The following KLHDC4 variants were observed in gnomAD, a reference collection of about 807,000 sequenced individuals.
KLHDC4 encodes the protein kelch domain containing 4.
In KLHDC4, 90 loss-of-function variants were observed where a neutral mutation model predicts 62.4. The ratio of observed to expected loss-of-function variants is 1.44; its 90% CI spans 1.22 to 1.72. The LOEUF (loss-of-function observed/expected upper bound fraction) is 1.72. Among genes scored for constraint, KLHDC4 ranks in the 40% most tolerant of loss-of-function variants. KLHDC4 has a pLI of 0.00. For missense variants in KLHDC4, 1,025 were observed against 699.7 expected, an observed-to-expected ratio of 1.47 and a Z score of -5.25; for synonymous variants, 386 against 284.4, an observed-to-expected ratio of 1.36 and a Z score of -3.59.
chr16:87,719,449 T>TA (rs982085235), intron 7 of KLHDC4, among the ~76,000 whole-genome samples: 53 of 152,290 alleles, frequency 3.5e-4, no homozygotes, highest in African/African-American at 1.2e-3. Context: ...TGTACTTTGT[T>TA]AAACAGATGC....
intron 1 of KLHDC4, chr16:87,765,342 T>C (rs770259935): frequency 2.2e-6 from 1 of 457,900 alleles, no homozygotes; most frequent in Non-Finnish European, 4.4e-6. Flanking sequence ...ATTTGCCCTC[T>C]TTTGAAAGAA....
intron 7 of KLHDC4, among the ~76,000 whole-genome samples, chr16:87,717,013 C>T (rs2037141560): frequency 6.6e-6 from 1 of 152,138 alleles, no homozygotes; most frequent in Non-Finnish European, 1.5e-5. Flanking sequence ...GGGCAGACTG[C>T]TTGAGTTCAG....
intron 3 of KLHDC4, chr16:87,756,137 T>C: frequency 3.2e-6 from 1 of 313,366 alleles, no homozygotes; most frequent in Non-Finnish European, 6.1e-6. Flanking sequence ...CAAAGAGGGG[T>C]GCGCCCGCCA....
At position 87,726,825 on chromosome 16, in the gene KLHDC4, G is replaced by C; in HGVS notation, c.699C>G (p.Gly233=). The change falls in exon 7 of 12, where the codon GGC becomes GGG. Residue 233 remains glycine, a synonymous_variant. Transcript: ENST00000270583. ...CCTGGGGAGTGACGGACATCTGGCA[G>C]CCTGATCTGGGTGTGGGCCCCGTCC... ...PSGTGPTPRS[G]CQMSVTPQGG... The C allele has an allele frequency of 6.2e-7, 1 of 1,611,934 alleles. No individual in the cohort carries two copies. The highest frequency in any genetic ancestry group is 8.5e-7 in the Non-Finnish European group (1 of 1,179,236).
chr16:87,698,939 T>G (rs1453004665), exon 1 of KLHDC4: 2 of 152,226 alleles, frequency 1.3e-5, no homozygotes, highest in African/African-American at 2.4e-5. Flanking sequence ...TCCGCCCCAA[T>G]AGCTTCTTCA....
Position 87,711,346 on chromosome 16 carries a change from G to A in KLHDC4, c.933C>T (p.Phe311=), listed in dbSNP as rs774103680. The change falls in exon 9 of 12, where the codon TTC becomes TTT. Residue 311 remains phenylalanine, a synonymous_variant. Coordinates refer to ENST00000270583, the MANE Select transcript of KLHDC4 (RefSeq NM_017566.4). The part of the protein sequence containing the change: ...VAMAPNHQTL[F]FGGVCDEEEE... ...CTTCCTCGTCACAGACACCCCCGAA[G>A]AACAGTGTCTGGTGATTCGGGGCCA... 8.1e-6 allele frequency: 13 copies of A among 1,613,898 alleles called. No homozygotes were observed. In the African/African-American group the frequency reaches 1.1e-4, roughly 13 times the overall value.
intron 10 of KLHDC4, 122 bp from the exon 11 acceptor site, chr16:87,708,588 C>G: frequency 1.8e-6 from 1 of 552,938 alleles, no homozygotes; most frequent in Non-Finnish European, 2.9e-6. Flanking sequence ...TAATGTGAAA[C>G]CTAACTCCTC....
chr16:87,714,335 G>GGGGGGCCCC lies in KLHDC4; in HGVS notation c.835+162_835+163insGGGGCCCCC. 2 of 150,338 alleles carry GGGGGGCCCC rather than the reference G, an allele frequency of 1.3e-5. 1 individual carries two copies. Among genetic ancestry groups the GGGGGGCCCC allele is most frequent in the South Asian group, 4.2e-4 (2 of 4,782 alleles). The allele number at this position is 150,338 out of a possible 1,614,324, so 9.3% of individuals were successfully genotyped here. On this transcript the variant is annotated intron_variant, in intron 8 of 11. Transcript: ENST00000270583. ...AGCAGACACCAGGGCTATGGAGCCT[G>GGGGGGCCCC]TCCCACCCGGCCCACCCCGAAATGA...
chr16:87,730,535 C>G lies in KLHDC4; in HGVS notation c.599+17G>C, dbSNP rs1567727636. On this transcript the variant is annotated intron_variant, in intron 6 of 11. Coordinates refer to ENST00000270583, the MANE Select transcript of KLHDC4 (RefSeq NM_017566.4). ...AATGCTTCAGGAGAGAAAGATTTTT[C>G]CGTTCTTGGTACCAACCGTGTACTT... 6.3e-7 allele frequency: 1 copy of G among 1,590,984 alleles called. No individual in the cohort carries two copies. Among genetic ancestry groups the G allele is most frequent in the Non-Finnish European group, 8.5e-7 (1 of 1,169,986 alleles).
At chr16:87,714,413 C>A in intron 8 of KLHDC4, 85 bp downstream of exon 8, 1 of 1,582,806 alleles carries the variant, frequency 6.3e-7, no homozygotes, top group Non-Finnish European at 8.6e-7. Flanking sequence ...TCACCGCCAG[C>A]CCCACATCCA....
chr16:87,762,153 G>T, intron 1 of KLHDC4, 113 bp from the exon 2 acceptor site: 1 of 1,527,958 alleles, frequency 6.5e-7, no homozygotes, highest in Non-Finnish European at 8.8e-7. Flanking sequence ...AGTCACATCT[G>T]TGAATTGCAA....
chr16:87,722,355 G>C (rs1597486010), intron 7 of KLHDC4, among the ~76,000 whole-genome samples: 2 of 152,182 alleles, frequency 1.3e-5, no homozygotes, highest in African/African-American at 4.8e-5. Context: ...TCTGGTTACA[G>C]GAGGAGGAAG....
intron 1 of KLHDC4, 124 bp from the exon 2 acceptor site, chr16:87,762,164 CA>C: frequency 2.0e-6 from 3 of 1,498,448 alleles, no homozygotes; most frequent in Non-Finnish European, 1.8e-6. Flanking sequence ...TGAATTGCAA[CA>C]TACTGTGCCT....
At chr16:87,740,396 GA>G (rs2042061154) in intron 5 of KLHDC4, among the ~76,000 whole-genome samples, 2 of 152,158 alleles carry the variant, frequency 1.3e-5, no homozygotes, top group Non-Finnish European at 1.5e-5. Flanking sequence ...GGGGAGAGGG[GA>G]AACCCTACTT....
intron 5 of KLHDC4, among the ~76,000 whole-genome samples, chr16:87,746,197 G>A (rs1298132999): frequency 1.3e-5 from 2 of 152,148 alleles, no homozygotes; most frequent in African/African-American, 2.4e-5. Flanking sequence ...TTGAGCCCAG[G>A]AGTTTGAGGC....
chr16:87,765,778 T>C lies in KLHDC4; in HGVS notation c.99+14A>G. The C allele has an allele frequency of 1.9e-6, 3 of 1,567,478 alleles. No homozygotes were observed. The highest frequency in any genetic ancestry group is 2.6e-6 in the Non-Finnish European group (3 of 1,156,282). On this transcript the variant is annotated intron_variant, in intron 1 of 11. Transcript: ENST00000270583. ...CGCGACGTCGGGCCGCTAAGCCCGG[T>C]CTGACCCGCTCACCTCCTCCTTCCG...
intron 7 of KLHDC4, among the ~76,000 whole-genome samples, chr16:87,716,876 G>T (rs558201442): frequency 6.6e-6 from 1 of 152,182 alleles, no homozygotes; most frequent in Non-Finnish European, 1.5e-5. Flanking sequence ...AGCTTGCAGT[G>T]AGCCGAGATC....
chr16:87,748,539 G>A (rs748548613), intron 5 of KLHDC4, 134 bp downstream of exon 5: 33 of 1,144,496 alleles, frequency 2.9e-5, no homozygotes, highest in African/African-American at 4.7e-5. Flanking sequence ...AGGACCCAGC[G>A]AGGCTGGGCT....
At chr16:87,702,854 C>G (rs923736837), downstream of KLHDC4, among the ~76,000 whole-genome samples, 2 of 152,202 alleles carry the variant, frequency 1.3e-5, no homozygotes, top group African/African-American at 4.8e-5. Context: ...GAGAACTTTT[C>G]TTATTGATGA....
Sources: allele counts gnomAD v4.1 joint callset (sites outside exome capture counted in the v4.1 genomes callset), GRCh38; gene constraint gnomAD v4.1.1; transcripts MANE v1.5; gene names NCBI Gene and HGNC (gene_info 2026-07-23, HGNC 2026-07-21).